The following ANKRD30B variants were observed in gnomAD, a reference collection of about 807,000 sequenced individuals.
ANKRD30B encodes ankyrin repeat domain-containing protein 30B.
Under a neutral mutation model 202.2 loss-of-function variants are expected in ANKRD30B, and 144 were observed. That is an observed-to-expected ratio of 0.71 (90% CI 0.62 to 0.82). The LOEUF is 0.82. Ranked by LOEUF, ANKRD30B falls within the 40% of genes least tolerant of loss-of-function variation. The pLI, the probability that ANKRD30B is intolerant of heterozygous loss-of-function variation, is 0.00. For missense variants in ANKRD30B, 1,487 were observed against 1,669.1 expected (o/e 0.89, Z 1.90); for synonymous variants, 508 against 561.3 (o/e 0.91, Z 1.34).
intron 32 of ANKRD30B, among the ~76,000 whole-genome samples, chr18:14,824,120 A>C (rs60980030): frequency 6.7e-6 from 1 of 150,292 alleles, no homozygotes; most frequent in African/African-American, 2.4e-5. Flanking sequence ...CTTTTTTTTT[A>C]CTTATCTTAT....
chr18:14,903,490 T>C, the ANKRD30B span: 7 of 152,214 alleles, frequency 4.6e-5, no homozygotes, highest in Admixed American at 3.9e-4. Context: ...GAGATAGATA[T>C]TGTCTTGTGA....
rs1411774000 is a variant in ANKRD30B, at chr18:14,831,865, T to A, written c.2847+410T>A. On this transcript the variant is annotated intron_variant, in intron 34 of 43. Transcript: ENST00000690538. ...CTATTGTAACTTTAAAAACACCTCA[T>A]CCTTAAAATTATCTTTAATGGATCC... Among the ~76,000 whole-genome samples, 2 of 152,192 alleles carry A rather than the reference T, an allele frequency of 1.3e-5. 1 individual carries two copies. The highest frequency in any genetic ancestry group is 4.1e-4 in the South Asian group (2 of 4,828).
chr18:14,882,569 T>C, the ANKRD30B span, among the ~76,000 whole-genome samples: 2 of 152,300 alleles, frequency 1.3e-5, no homozygotes, highest in Non-Finnish European at 2.9e-5. Flanking sequence ...TTGAATAGAA[T>C]GTGTATTCTG....
At chr18:14,900,109 A>G in the ANKRD30B span, among the ~76,000 whole-genome samples, 1 of 152,170 alleles carries the variant, frequency 6.6e-6, no homozygotes, top group Non-Finnish European at 1.5e-5. Flanking sequence ...CTTTAGTTAA[A>G]TTAATCCCCC....
the ANKRD30B span, among the ~76,000 whole-genome samples, chr18:14,864,100 T>C: frequency 6.6e-6 from 1 of 152,208 alleles, no homozygotes; most frequent in South Asian, 2.1e-4. Flanking sequence ...CCCAGCACTT[T>C]GGAAGGCAGA....
chr18:14,752,016 T>A (rs1913531392), intron 1 of ANKRD30B, among the ~76,000 whole-genome samples: 1 of 152,194 alleles, frequency 6.6e-6, no homozygotes, highest in East Asian at 1.9e-4. Flanking sequence ...TATGAGCAAT[T>A]GAGCATCTTA....
chr18:14,905,040 A>C, the ANKRD30B span, among the ~76,000 whole-genome samples: 1 of 152,218 alleles, frequency 6.6e-6, no homozygotes, highest in Non-Finnish European at 1.5e-5. Context: ...GATGGCAACG[A>C]GAGTGATTTC....
chr18:14,922,090 G>A, the ANKRD30B span, among the ~76,000 whole-genome samples: 49 of 152,320 alleles, frequency 3.2e-4, no homozygotes, highest in East Asian at 9.1e-3. Context: ...GTCTTAAATT[G>A]CCAACACCAT....
the ANKRD30B span, among the ~76,000 whole-genome samples, chr18:14,882,050 A>G: frequency 6.6e-6 from 1 of 152,080 alleles, no homozygotes; most frequent in East Asian, 1.9e-4. Context: ...TTTTCAAATA[A>G]CCAACTTTTT....
chr18:14,885,659 A>C, the ANKRD30B span, among the ~76,000 whole-genome samples: 1 of 151,998 alleles, frequency 6.6e-6, no homozygotes, highest in Non-Finnish European at 1.5e-5. Context: ...GGCAGTCTAG[A>C]GAACCAGAAG....
chr18:14,917,418 T>C, the ANKRD30B span, among the ~76,000 whole-genome samples: 1 of 152,162 alleles, frequency 6.6e-6, no homozygotes, highest in African/African-American at 2.4e-5. Context: ...TTCCTGTCTA[T>C]CTGCGCTTCT....
chr18:14,769,305 T>G (rs892314721), intron 7 of ANKRD30B, 38 bp from the exon 8 acceptor site: 3 of 1,401,124 alleles, frequency 2.1e-6, no homozygotes, highest in African/African-American at 1.4e-5. Flanking sequence ...CTATTTATAT[T>G]TGTTAATTTA....
At chr18:14,751,620 A>G (rs1448879893) in intron 1 of ANKRD30B, among the ~76,000 whole-genome samples, 1 of 152,188 alleles carries the variant, frequency 6.6e-6, no homozygotes, top group Non-Finnish European at 1.5e-5. Context: ...GCATTCTATA[A>G]ATCTAAATAT....
chr18:14,902,101 G>C, the ANKRD30B span, among the ~76,000 whole-genome samples: 2 of 152,296 alleles, frequency 1.3e-5, no homozygotes, highest in South Asian at 4.2e-4. Context: ...ATCAGATTTT[G>C]TGAGACTTAT....
rs777443808 is a variant in ANKRD30B, at chr18:14,782,621, A to G, written c.1570+7A>G. 2 of 1,542,628 alleles carry G rather than the reference A, an allele frequency of 1.3e-6. No individual in the cohort carries two copies. Among genetic ancestry groups the G allele is most frequent in the Non-Finnish European group, 1.7e-6 (2 of 1,143,166 alleles). On this transcript the variant is annotated splice_region_variant and intron_variant, in intron 12 of 43. Coordinates refer to ENST00000690538, the MANE Select transcript of ANKRD30B (RefSeq NM_001367607.2). ...ATAAATAGAGAAGTAGAAGGTAAGAACAACTTTTTATTTGAAAAGTCTTTT... is the reference window on the plus strand; with the variant it reads ...ATAAATAGAGAAGTAGAAGGTAAGAGCAACTTTTTATTTGAAAAGTCTTTT...
At chr18:14,871,276 C>T in the ANKRD30B span, among the ~76,000 whole-genome samples, 2 of 126,504 alleles carry the variant, frequency 1.6e-5, no homozygotes, top group East Asian at 2.6e-4. Context: ...TTCGCTTGCT[C>T]CACCTCCTCC....
intron 19 of ANKRD30B, 40 bp from the exon 20 acceptor site, chr18:14,797,742 T>G (rs749242504): frequency 6.2e-7 from 1 of 1,601,016 alleles, no homozygotes; most frequent in Admixed American, 1.7e-5. Context: ...TTTTGAAGTG[T>G]ACATTATATA....
Position 14,795,104 on chromosome 18 carries a change from C to G in ANKRD30B, c.1826-1117C>G, listed in dbSNP as rs143721518. ...CCTTGAACAATAAAACTGTTATTTT[C>G]AATAACCATTACTCTAACATTGAAA... is the stretch of plus-strand genomic sequence containing the variant. On this transcript the variant is annotated intron_variant, in intron 16 of 43. Transcript: ENST00000690538. 5.2e-4 allele frequency among the ~76,000 whole-genome samples: 79 copies of G among 152,306 alleles called. 2 individuals carry two copies. In the East Asian group the frequency reaches 0.015, roughly 29 times the overall value.
At chr18:14,820,912 T>C (rs1202279134) in intron 30 of ANKRD30B, among the ~76,000 whole-genome samples, 1 of 152,190 alleles carries the variant, frequency 6.6e-6, no homozygotes, top group South Asian at 2.1e-4. Context: ...CTTTTTCTAT[T>C]GATTGGAATA....
Sources: gnomAD v4.1 joint callset for allele counts (sites outside exome capture counted in the v4.1 genomes callset) on GRCh38, gnomAD v4.1.1 for gene constraint, MANE v1.5 for transcripts, NCBI Gene and HGNC (gene_info 2026-07-23, HGNC 2026-07-21) for gene names.